FAN1: variants seen among roughly 807,000 people sequenced by gnomAD.
FAN1 encodes the protein fanconi-associated nuclease 1.
In FAN1, 91 loss-of-function variants were observed where a neutral mutation model predicts 104.9. The observed-to-expected ratio is 0.87, with a 90% CI of 0.73 to 1.03. The LOEUF (loss-of-function observed/expected upper bound fraction) is 1.03, where lower values mean the gene tolerates loss of function less well. Among genes scored for constraint, FAN1 ranks in the 50% least tolerant of loss-of-function variants. The pLI is 0.00. For missense variants in FAN1, 1,263 were observed against 1,239.9 expected (o/e 1.02, Z -0.28); for synonymous variants, 478 against 457.6 (o/e 1.04, Z -0.57).
rs138954416 is a variant in FAN1 at position 30,908,233 on chromosome 15, G to A, written c.1350G>A (p.Leu450=). 4.9e-5 allele frequency: 78 copies of A among 1,607,000 alleles called. No homozygotes were observed. The African/African-American group carries it at 5.8e-4, about 12-fold the overall frequency. The part of the protein sequence containing the change: ...ALDLTPVIEE[L]TNAGFLQTES... ...ACTTAACACCTGTGATTGAAGAATT[G>A]ACGAATGCAGGCTTTCTACAGACAG... is the stretch of plus-strand genomic sequence containing the variant. The change falls in exon 3 of 15, where the codon TTG becomes TTA. Residue 450 remains leucine, a synonymous_variant. Coordinates refer to ENST00000362065, the MANE Select transcript of FAN1 (RefSeq NM_014967.5).
intron 8 of FAN1, 70 bp downstream of exon 8, chr15:30,922,424 T>G: frequency 6.9e-7 from 1 of 1,443,118 alleles, no homozygotes; most frequent in Admixed American, 2.2e-5. Flanking sequence ...ATGGCAAACT[T>G]AATGCCTTAA....
At chr15:30,907,469 G>A (rs1270509511) in intron 2 of FAN1, among the ~76,000 whole-genome samples, 1 of 151,918 alleles carries the variant, frequency 6.6e-6, no homozygotes, top group Non-Finnish European at 1.5e-5. Context: ...AGTGAGCCGA[G>A]ACTGCACCAT....
In FAN1 at chr15:30,937,141, A is replaced by T. The variant is rs759569636; in HGVS notation, c.2939A>T (p.Asn980Ile). Residue 980 changes from asparagine to isoleucine, a missense_variant, in exon 14 of 15, where the codon AAT becomes ATT. By Grantham distance (149) the Asn-to-Ile change is moderately radical. Around this residue, in one of 2 missense-constraint regions of FAN1, gnomAD observed 581 missense variants for 668.8 expected, o/e 0.87. Coordinates refer to ENST00000362065, the MANE Select transcript of FAN1 (RefSeq NM_014967.5). ...CAGCTGGTGGAAGTTAAAGGCCCCA[A>T]TGATCGTCTTTCACATAAGCAGATG... ...HFKLVEVKGP[N>I]DRLSHKQMIW... 4 of 1,613,428 alleles carry T rather than the reference A, an allele frequency of 2.5e-6. No homozygotes were observed. In the African/African-American group the frequency reaches 5.3e-5, roughly 22 times the overall value.
intron 8 of FAN1, among the ~76,000 whole-genome samples, chr15:30,922,623 G>T (rs2062361856): frequency 6.6e-6 from 1 of 152,152 alleles, no homozygotes; most frequent in Non-Finnish European, 1.5e-5. Context: ...TAGGAATCAG[G>T]ATCTAGGAAT....
chr15:30,933,998 C>A (rs1462937733), intron 13 of FAN1, among the ~76,000 whole-genome samples: 3 of 151,850 alleles, frequency 2.0e-5, no homozygotes, highest in African/African-American at 7.3e-5. Flanking sequence ...CTGGGCTCCA[C>A]GTTGGCCTCC....
intron 13 of FAN1, among the ~76,000 whole-genome samples, chr15:30,936,102 A>C (rs1447023098): frequency 7.0e-6 from 1 of 141,904 alleles, no homozygotes; most frequent in Non-Finnish European, 1.5e-5. Context: ...TTTTTTCTAT[A>C]TTTTACCTAT....
At chr15:30,923,257 T>G (rs1413991020) in intron 8 of FAN1, among the ~76,000 whole-genome samples, 1 of 152,102 alleles carries the variant, frequency 6.6e-6, no homozygotes. Flanking sequence ...GAGGAGGGTG[T>G]GGGGCTTCCT....
In FAN1 at chr15:30,942,464, G is replaced by A. The variant is rs1174472561; in HGVS notation, c.*902G>A. The A allele has an allele frequency of 1.2e-5, 3 of 259,854 alleles. No homozygotes were observed. The highest frequency in any genetic ancestry group is 1.0e-4 in the South Asian group (1 of 10,032). The allele number at this position is 259,854 out of a possible 1,614,324, so 16.1% of individuals were successfully genotyped here. A position where few individuals can be genotyped will look rare whatever the true frequency, so the allele number is the denominator to read the frequency against. On this transcript the variant is annotated 3_prime_UTR_variant, in exon 15 of 15. Transcript: ENST00000362065. ...TTTGTTCTGTACCTTTCAGTAGTCT[G>A]CAAATTTTCTACCAAAAAAAATCCC... is the stretch of plus-strand genomic sequence containing the variant.
Position 30,938,122 on chromosome 15 carries a change from T to G in FAN1, c.*3+863T>G, listed in dbSNP as rs1408478017. ...TGGCGTGAACCCGGGAGGTGGAGCT[T>G]GCAGTGAGCCGAGATTGCACCACTG... On this transcript the variant is annotated intron_variant, in intron 14 of 14. Transcript: ENST00000362065. Among the ~76,000 whole-genome samples, 3 of 151,438 alleles carry G rather than the reference T, an allele frequency of 2.0e-5. No homozygotes were observed. In the East Asian group the frequency reaches 5.9e-4, roughly 30 times the overall value.
chr15:30,943,012 C>T lies in FAN1; in HGVS notation c.*1450C>T. On this transcript the variant is annotated 3_prime_UTR_variant, in exon 15 of 15. Coordinates refer to ENST00000362065, the MANE Select transcript of FAN1 (RefSeq NM_014967.5). ...GTAAACTGGAGAGACCAGTCCCAAA[C>T]AGAGGGGAATTTTAAGCCCTTCTCA... 1 of 1,551,984 alleles carries T rather than the reference C, an allele frequency of 6.4e-7. No homozygotes were observed. Among genetic ancestry groups the T allele is most frequent in the Non-Finnish European group, 8.7e-7 (1 of 1,147,074 alleles).
chr15:30,939,854 T>C (rs1046389876), intron 14 of FAN1: 1 of 985,224 alleles, frequency 1.0e-6, no homozygotes, highest in African/African-American at 1.7e-5. Context: ...TCTATTTGTA[T>C]AAACTGAAAC....
At chr15:30,935,423 T>C (rs1000544054) in intron 13 of FAN1, among the ~76,000 whole-genome samples, 4 of 152,168 alleles carry the variant, frequency 2.6e-5, no homozygotes, top group African/African-American at 9.7e-5. Context: ...GATGCAACCA[T>C]GGACTGAAAG....
In FAN1 at chr15:30,904,867, C is replaced by G. The variant is rs775771244; in HGVS notation, c.204C>G (p.Asp68Glu). The G allele has an allele frequency of 1.2e-6, 2 of 1,613,426 alleles. No individual in the cohort carries two copies. The highest frequency in any genetic ancestry group is 1.7e-6 in the Non-Finnish European group (2 of 1,179,562). Residue 68 changes from aspartate (D) to glutamate (E), a missense_variant, in exon 2 of 15, where the codon GAC (aspartate) becomes GAG (glutamate). Asp to Glu is a conservative substitution (Grantham distance 45). Around this residue, in one of 2 missense-constraint regions of FAN1, gnomAD observed 682 missense variants for 571.1 expected, o/e 1.19. Coordinates refer to ENST00000362065, the MANE Select transcript of FAN1 (RefSeq NM_014967.5). ...TTGATGAAATGTGTGCTAACAATGA[C>G]TTCGTTCAAGTGGATCCAGGGCAGG... Reference protein sequence around the residue: ...RHLDEMCANNDFVQVDPGQVG... With the variant: ...RHLDEMCANNEFVQVDPGQVG...
chr15:30,936,653 ATAT>A (rs1488379706), intron 13 of FAN1, among the ~76,000 whole-genome samples: 1 of 84,920 alleles, frequency 1.2e-5, no homozygotes, highest in African/African-American at 4.8e-5. Flanking sequence ...TCAACTGAAA[ATAT>A]TGTTAAGTTG....
At chr15:30,930,108 A>G (rs2062667940) in intron 12 of FAN1, among the ~76,000 whole-genome samples, 1 of 150,276 alleles carries the variant, frequency 6.7e-6, no homozygotes, top group South Asian at 2.1e-4. Context: ...TGATGGAAAC[A>G]TACTAGGGTG....
intron 4 of FAN1, chr15:30,911,205 T>G (rs2062094029): frequency 1.0e-6 from 1 of 1,002,104 alleles, no homozygotes; most frequent in African/African-American, 1.7e-5. Context: ...CAAGTTTTCC[T>G]GAGTTTAAAC....
chr15:30,910,829 T>C lies in FAN1; in HGVS notation c.1577+14T>C. On this transcript the variant is annotated intron_variant, in intron 4 of 14. Coordinates refer to ENST00000362065, the MANE Select transcript of FAN1 (RefSeq NM_014967.5). ...GATTTTAAAAAGGTTTTGTTGGCTA[T>C]TGTTACAGTAAAAACATTTAAAATG... 5.6e-6 allele frequency: 9 copies of C among 1,611,226 alleles called. No homozygotes were observed. Among genetic ancestry groups the C allele is most frequent in the Non-Finnish European group, 7.6e-6 (9 of 1,178,308 alleles).
intron 4 of FAN1, among the ~76,000 whole-genome samples, chr15:30,912,931 C>T (rs1595838337): frequency 6.6e-6 from 1 of 152,310 alleles, no homozygotes; most frequent in East Asian, 1.9e-4. Flanking sequence ...CCCACATGGT[C>T]CTGGATTTAA....
At chr15:30,926,789 G>A (rs1388192899) in intron 10 of FAN1, 2 of 985,286 alleles carry the variant, frequency 2.0e-6, no homozygotes, top group East Asian at 1.1e-4. Flanking sequence ...AATGCTTTCA[G>A]TTGAGCCATG....
Sources: allele counts gnomAD v4.1 joint callset (sites outside exome capture counted in the v4.1 genomes callset), GRCh38; gene constraint gnomAD v4.1.1; regional missense constraint gnomAD v4.1.1; transcripts MANE v1.5; gene names NCBI Gene and HGNC (gene_info 2026-07-23, HGNC 2026-07-21).